The following TMEM107 variants were observed in gnomAD, a reference collection of about 807,000 sequenced individuals.
TMEM107 encodes transmembrane protein 107.
A neutral mutation model predicts 16.8 loss-of-function variants in TMEM107; 18 were observed. The ratio of observed to expected loss-of-function variants is 1.07; its 90% CI spans 0.74 to 1.59. The LOEUF is 1.59. Among genes scored for constraint, TMEM107 ranks in the 40% most tolerant of loss-of-function variants. TMEM107 has a pLI of 0.00. For missense variants in TMEM107, 152 were observed against 175.4 expected (o/e 0.87, Z 0.75); for synonymous variants, 68 against 71.6 (o/e 0.95, Z 0.25).
Position 8,172,841 on chromosome 17 carries a change from G to C in TMEM107, c.*1362C>G, listed in dbSNP as rs573823293. On this transcript the variant is annotated 3_prime_UTR_variant, in exon 5 of 5. Transcript: ENST00000437139. ...ACACTGCACTCTAGCCTGGGCAACA[G>C]AGTGAGACTGTCTCAAAAAAAAAAA... Among the ~76,000 whole-genome samples, 7 of 124,468 alleles carry C rather than the reference G, an allele frequency of 5.6e-5. No individual in the cohort carries two copies. The highest frequency in any genetic ancestry group is 1.1e-4 in the Non-Finnish European group (7 of 62,530). The allele number at this position is 124,468 out of a possible 152,430, so 81.7% of individuals were successfully genotyped here.
Position 8,173,381 on chromosome 17 carries a change from T to C in TMEM107, c.*822A>G, listed in dbSNP as rs201782644. 1.3e-4 allele frequency: 90 copies of C among 681,150 alleles called. No homozygotes were observed. The highest frequency in any genetic ancestry group is 1.2e-3 in the Middle Eastern group (3 of 2,560). The allele number at this position is 681,150 out of a possible 1,614,324, so 42.2% of individuals were successfully genotyped here. ...TAGACAAACAGCAAGGTTATCCCAG[T>C]CAGAACTTCATAGCTATGTTTGTGG... On this transcript the variant is annotated 3_prime_UTR_variant, in exon 5 of 5. Coordinates refer to ENST00000437139, the MANE Select transcript of TMEM107 (RefSeq NM_183065.4).
In TMEM107 at chr17:8,173,984, G is replaced by T; in HGVS notation, c.*219C>A. 3 of 557,732 alleles carry T rather than the reference G, an allele frequency of 5.4e-6. No homozygotes were observed. The highest frequency in any genetic ancestry group is 9.6e-6 in the Non-Finnish European group (3 of 312,380). The allele number at this position is 557,732 out of a possible 1,614,324, so 34.5% of individuals were successfully genotyped here. On this transcript the variant is annotated 3_prime_UTR_variant, in exon 5 of 5. Coordinates refer to ENST00000437139, the MANE Select transcript of TMEM107 (RefSeq NM_183065.4). ...GCCATCTCAATTGTCCCCTAAAACTGTATATAAGTCTTAATGTTACTACAA... is the reference window on the plus strand; with the variant it reads ...GCCATCTCAATTGTCCCCTAAAACTTTATATAAGTCTTAATGTTACTACAA...
rs1327331455 is a variant in TMEM107, at chr17:8,173,754, G to T, written c.*449C>A. The T allele has an allele frequency of 1.1e-5, 6 of 552,242 alleles. No individual in the cohort carries two copies. Among genetic ancestry groups the T allele is most frequent in the Non-Finnish European group, 1.9e-5 (6 of 310,712 alleles). 34.2% of individuals were successfully genotyped at this position (552,242 alleles called of 1,614,324 possible). A position where few individuals can be genotyped will look rare whatever the true frequency, so the allele number is the denominator to read the frequency against. On this transcript the variant is annotated 3_prime_UTR_variant, in exon 5 of 5. Coordinates refer to ENST00000437139, the MANE Select transcript of TMEM107 (RefSeq NM_183065.4). ...TAAATTTTTTTTTCATTCGGCTGCC[G>T]AAAAGGAATAAATTACTTCTTCCCA...
chr17:8,173,471 A>C lies in TMEM107; in HGVS notation c.*732T>G, dbSNP rs1567550049. The C allele has an allele frequency of 1.0e-5, 8 of 764,646 alleles. No homozygotes were observed. Among genetic ancestry groups the C allele is most frequent in the East Asian group, 2.4e-5 (1 of 41,240 alleles). The allele number at this position is 764,646 out of a possible 1,614,324, so 47.4% of individuals were successfully genotyped here. ...CAGAAAGAATCAGACAGGAGCAATCAGGGTGTTGCAAGTCCTGATTACGCA... is the reference window on the plus strand; with the variant it reads ...CAGAAAGAATCAGACAGGAGCAATCCGGGTGTTGCAAGTCCTGATTACGCA... On this transcript the variant is annotated 3_prime_UTR_variant, in exon 5 of 5. Transcript: ENST00000437139.
chr17:8,173,520 A>G lies in TMEM107; in HGVS notation c.*683T>C, dbSNP rs769050708. 63 of 765,294 alleles carry G rather than the reference A, an allele frequency of 8.2e-5. No homozygotes were observed. Among genetic ancestry groups the G allele is most frequent in the South Asian group, 3.2e-4 (24 of 74,614 alleles). The allele number at this position is 765,294 out of a possible 1,614,324, so 47.4% of individuals were successfully genotyped here. ...CAGAGACGTTAATCACGTTTCATGC[A>G]TCTCCAATCATCATGTTCTAATCTG... On this transcript the variant is annotated 3_prime_UTR_variant, in exon 5 of 5. Coordinates refer to ENST00000437139, the MANE Select transcript of TMEM107 (RefSeq NM_183065.4).
At position 8,175,807 on chromosome 17, in the gene TMEM107, G is replaced by T. The variant is rs766320339; in HGVS notation, c.206C>A (p.Ala69Asp). 1 of 1,614,206 alleles carries T rather than the reference G, an allele frequency of 6.2e-7. No homozygotes were observed. The change falls in exon 3 of 5, where the codon GCC becomes GAC. Residue 69 changes from alanine to aspartate, a missense_variant. Physicochemically the swap from Ala to Asp is moderately radical, Grantham distance 126. Transcript: ENST00000437139. ...VTLGLFAVEL[A>D]GFLSGVSMFN... ...CATGGAGACTCCTGAGAGGAAACCGGCCAGCTCCACTGCAAAGAGGCCCAG... is the reference window on the plus strand; with the variant it reads ...CATGGAGACTCCTGAGAGGAAACCGTCCAGCTCCACTGCAAAGAGGCCCAG...
rs111578105 is a variant in TMEM107, at chr17:8,173,340, T to G, written c.*863A>C. 1,961 of 595,740 alleles carry G rather than the reference T, an allele frequency of 3.3e-3. 34 individuals are homozygous for G. The highest frequency in any genetic ancestry group is 0.029 in the South Asian group (1,326 of 45,812). The allele number at this position is 595,740 out of a possible 1,614,324, so 36.9% of individuals were successfully genotyped here. On this transcript the variant is annotated 3_prime_UTR_variant, in exon 5 of 5. Coordinates refer to ENST00000437139, the MANE Select transcript of TMEM107 (RefSeq NM_183065.4). ...AGACTGCAAAATAGACAAACAGCAA[T>G]AGCAAGACTGCAAAATAGACAAACA...
rs374135155 is a variant in TMEM107, at chr17:8,173,462, G to T, written c.*741C>A. 9 of 763,996 alleles carry T rather than the reference G, an allele frequency of 1.2e-5. No individual in the cohort carries two copies. Among genetic ancestry groups the T allele is most frequent in the African/African-American group, 3.4e-5 (2 of 59,106 alleles). The allele number at this position is 763,996 out of a possible 1,614,324, so 47.3% of individuals were successfully genotyped here. A position where few individuals can be genotyped will look rare whatever the true frequency, so the allele number is the denominator to read the frequency against. ...AGTGATCGTCAGAAAGAATCAGACAGGAGCAATCAGGGTGTTGCAAGTCCT... is the reference window on the plus strand; with the variant it reads ...AGTGATCGTCAGAAAGAATCAGACATGAGCAATCAGGGTGTTGCAAGTCCT... On this transcript the variant is annotated 3_prime_UTR_variant, in exon 5 of 5. Coordinates refer to ENST00000437139, the MANE Select transcript of TMEM107 (RefSeq NM_183065.4).
chr17:8,175,971 T>C lies in TMEM107; in HGVS notation c.143A>G (p.Lys48Arg), dbSNP rs779940342. 2 of 1,614,234 alleles carry C rather than the reference T, an allele frequency of 1.2e-6. No homozygotes were observed. ...CCCAAGAGCTCACTGAATGTCCTGC[T>C]TGTCATACTCCTCGGGGGTGAACGT... ...PLTFTPEEYD[K>R]QDIQLVAALS... Residue 48 changes from lysine (K) to arginine (R), a missense_variant, in exon 2 of 5, where the codon AAG becomes AGG. Lys to Arg is a conservative substitution (Grantham distance 26). Coordinates refer to ENST00000437139, the MANE Select transcript of TMEM107 (RefSeq NM_183065.4).
Position 8,173,685 on chromosome 17 carries a change from A to G in TMEM107, c.*518T>C. 1 of 636,094 alleles carries G rather than the reference A, an allele frequency of 1.6e-6. No homozygotes were observed. Among genetic ancestry groups the G allele is most frequent in the South Asian group, 1.8e-5 (1 of 54,344 alleles). 39.4% of individuals were successfully genotyped at this position (636,094 alleles called of 1,614,324 possible). The stretch of plus-strand genomic sequence containing the variant: ...GCTGGTATGAGCAATCCTATTATTT[A>G]GCGTCCTTCCAGTTGTTTTGCCATA... On this transcript the variant is annotated 3_prime_UTR_variant, in exon 5 of 5. Coordinates refer to ENST00000437139, the MANE Select transcript of TMEM107 (RefSeq NM_183065.4).
chr17:8,173,583 G>T lies in TMEM107; in HGVS notation c.*620C>A, dbSNP rs374740618. On this transcript the variant is annotated 3_prime_UTR_variant, in exon 5 of 5. Transcript: ENST00000437139. ...GGAACAGGTAAGGATTATCCCACCT[G>T]ACGATACAGACAAACAGCCGACATT... 4 of 764,172 alleles carry T rather than the reference G, an allele frequency of 5.2e-6. No homozygotes were observed. Among genetic ancestry groups the T allele is most frequent in the Non-Finnish European group, 7.2e-6 (3 of 417,350 alleles). The allele number at this position is 764,172 out of a possible 1,614,324, so 47.3% of individuals were successfully genotyped here.
At chr17:8,175,510 T>TAG (rs1181906598) in intron 3 of TMEM107, 1 of 612,650 alleles carries the variant, frequency 1.6e-6, no homozygotes, top group Admixed American at 2.8e-5. Context: ...GTTCTCACTA[T>TAG]GTTGCCTCCT....
chr17:8,173,484 T>TC lies in TMEM107; in HGVS notation c.*718dup, dbSNP rs1567550248. Reference sequence around the variant, plus strand: ...ACAGGAGCAATCAGGGTGTTGCAAGTCCTGATTACGCAGAGACGTTAATCA... The same window carrying TC: ...ACAGGAGCAATCAGGGTGTTGCAAGTCCCTGATTACGCAGAGACGTTAATCA... On this transcript the variant is annotated 3_prime_UTR_variant, in exon 5 of 5. Transcript: ENST00000437139. 1 of 764,216 alleles carries TC rather than the reference T, an allele frequency of 1.3e-6. No individual in the cohort carries two copies. Among genetic ancestry groups the TC allele is most frequent in the Non-Finnish European group, 2.4e-6 (1 of 417,710 alleles). The allele number at this position is 764,216 out of a possible 1,614,324, so 47.3% of individuals were successfully genotyped here. A position where few individuals can be genotyped will look rare whatever the true frequency, so the allele number is the denominator to read the frequency against.
In TMEM107 at chr17:8,173,443, C is replaced by CGTCAGAAA. The variant is rs779681170; in HGVS notation, c.*752_*759dup. 5.3e-6 allele frequency: 4 copies of CGTCAGAAA among 761,446 alleles called. No homozygotes were observed. Among genetic ancestry groups the CGTCAGAAA allele is most frequent in the African/African-American group, 5.1e-5 (3 of 59,166 alleles). The allele number at this position is 761,446 out of a possible 1,614,324, so 47.2% of individuals were successfully genotyped here. ...TCAGCATAACACAAATGTAAGTGAT[C>CGTCAGAAA]GTCAGAAAGAATCAGACAGGAGCAA... is the stretch of plus-strand genomic sequence containing the variant. On this transcript the variant is annotated 3_prime_UTR_variant, in exon 5 of 5. Transcript: ENST00000437139.
At chr17:8,175,933 C>G in intron 2 of TMEM107, 26 bp downstream of exon 2, 1 of 1,614,206 alleles carries the variant, frequency 6.2e-7, no homozygotes. Flanking sequence ...CCTCTTCGTT[C>G]TGGCCACCCC....
Position 8,173,337 on chromosome 17 carries a change from C to A in TMEM107, c.*866G>T. ...GCAAGACTGCAAAATAGACAAACAG[C>A]AATAGCAAGACTGCAAAATAGACAA... is the stretch of plus-strand genomic sequence containing the variant. On this transcript the variant is annotated 3_prime_UTR_variant, in exon 5 of 5. Coordinates refer to ENST00000437139, the MANE Select transcript of TMEM107 (RefSeq NM_183065.4). 2 of 576,462 alleles carry A rather than the reference C, an allele frequency of 3.5e-6. No individual in the cohort carries two copies. The highest frequency in any genetic ancestry group is 6.3e-6 in the Non-Finnish European group (2 of 318,880). 35.7% of individuals were successfully genotyped at this position (576,462 alleles called of 1,614,324 possible).
In TMEM107 at chr17:8,175,777, T is replaced by C. The variant is rs1379136806; in HGVS notation, c.236A>G (p.Asn79Ser). Reference sequence around the variant, plus strand: ...GATACAGATGAGGCTCTGGGTGCTGTTGAACATGGAGACTCCTGAGAGGAA... The same window carrying C: ...GATACAGATGAGGCTCTGGGTGCTGCTGAACATGGAGACTCCTGAGAGGAA... ...AGFLSGVSMF[N>S]STQSLISIGA... is the part of the protein sequence containing the mutation. The change falls in exon 3 of 5, where the codon AAC becomes AGC. Residue 79 changes from asparagine to serine, a missense_variant. By Grantham distance (46) the Asn-to-Ser change is conservative. Coordinates refer to ENST00000437139, the MANE Select transcript of TMEM107 (RefSeq NM_183065.4). 1 of 1,613,978 alleles carries C rather than the reference T, an allele frequency of 6.2e-7. No individual in the cohort carries two copies. Among genetic ancestry groups the C allele is most frequent in the African/African-American group, 1.3e-5 (1 of 74,890 alleles).
chr17:8,174,548 T>A lies in TMEM107; in HGVS notation c.325A>T (p.Thr109Ser). 1 of 1,614,058 alleles carries A rather than the reference T, an allele frequency of 6.2e-7. No individual in the cohort carries two copies. The highest frequency in any genetic ancestry group is 8.5e-7 in the Non-Finnish European group (1 of 1,179,990). The change falls in exon 4 of 5, where the codon ACG becomes TCG. Residue 109 changes from threonine (T) to serine (S), a missense_variant. By Grantham distance (58) the Thr-to-Ser change is moderately conservative. Transcript: ENST00000437139. ...FFIFERWECT[T>S]YWYIFVFCSA... ...CAGAAGACAAAAATGTACCAATACG[T>A]AGTGCACTCCCAACGCTCGAATATG...
In TMEM107 at chr17:8,173,394, GCT is replaced by G; in HGVS notation, c.*807_*808del. On this transcript the variant is annotated 3_prime_UTR_variant, in exon 5 of 5. Coordinates refer to ENST00000437139, the MANE Select transcript of TMEM107 (RefSeq NM_183065.4). ...AGGTTATCCCAGTCAGAACTTCATA[GCT>G]ATGTTTGTGGATATCTGCTAATCAG... 1.4e-6 allele frequency: 1 copy of G among 712,380 alleles called. No individual in the cohort carries two copies. The highest frequency in any genetic ancestry group is 1.8e-5 in the Admixed American group (1 of 55,088). The allele number at this position is 712,380 out of a possible 1,614,324, so 44.1% of individuals were successfully genotyped here. A position where few individuals can be genotyped will look rare whatever the true frequency, so the allele number is the denominator to read the frequency against.
Sources: gnomAD v4.1 joint callset for allele counts (sites outside exome capture counted in the v4.1 genomes callset) on GRCh38, gnomAD v4.1.1 for gene constraint, MANE v1.5 for transcripts, NCBI Gene and HGNC (gene_info 2026-07-23, HGNC 2026-07-21) for gene names.